Variants in MYO6 observed in about 807,000 individuals in gnomAD.
MYO6 encodes unconventional myosin-VI.
In MYO6, 74 loss-of-function variants were observed where a neutral mutation model predicts 178.7. The observed-to-expected ratio is 0.41, with a 90% CI of 0.34 to 0.50. The LOEUF (loss-of-function observed/expected upper bound fraction) is 0.50, where lower values mean the gene tolerates loss of function less well. Among genes scored for constraint, MYO6 ranks in the 20% least tolerant of loss-of-function variants. The pLI, the probability that MYO6 is intolerant of heterozygous loss-of-function variation, is 0.09. For synonymous variants in MYO6, 477 were observed against 504.6 expected, an observed-to-expected ratio of 0.95 and a Z score of 0.73; for missense variants, 1,330 against 1,547.4, an observed-to-expected ratio of 0.86 and a Z score of 2.36.
At position 75,840,636 on chromosome 6, in the gene MYO6, A is replaced by G. The variant is rs886061760; in HGVS notation, c.605A>G (p.Asn202Ser). The G allele has an allele frequency of 1.2e-6, 2 of 1,614,058 alleles. No homozygotes were observed. The highest frequency in any genetic ancestry group is 1.7e-6 in the Non-Finnish European group (2 of 1,179,938). The part of the protein sequence containing the change: ...FGNAKTVRNN[N>S]SSRFGKFVEI... ...AATGCGAAGACTGTTCGCAACAATAATAGCAGTCGATTTGGGAAATTTGTA... is the reference window on the plus strand; with the variant it reads ...AATGCGAAGACTGTTCGCAACAATAGTAGCAGTCGATTTGGGAAATTTGTA... The change falls in exon 8 of 35, where the codon AAT (asparagine) becomes AGT (serine). Residue 202 changes from asparagine to serine, a missense_variant. By Grantham distance (46) the Asn-to-Ser change is conservative. This residue lies in a region of MYO6 where 613 missense variants were observed against 816.8 expected (regional missense o/e 0.75). Coordinates refer to ENST00000369977, the MANE Select transcript of MYO6 (RefSeq NM_004999.4).
intron 1 of MYO6, among the ~76,000 whole-genome samples, chr6:75,761,569 T>A (rs1375878725): frequency 6.6e-6 from 1 of 150,644 alleles, no homozygotes; most frequent in African/African-American, 2.5e-5. Context: ...CTGATGCTAG[T>A]ATGTTAGAAA....
intron 23 of MYO6, among the ~76,000 whole-genome samples, chr6:75,885,542 G>A (rs192549902): frequency 7.2e-4 from 109 of 151,810 alleles, no homozygotes; most frequent in African/African-American, 2.4e-3. Context: ...TCCGCCTCCC[G>A]GGTTCACGCC....
At chr6:75,800,492 AG>A (rs1361217834) in intron 1 of MYO6, among the ~76,000 whole-genome samples, 2 of 152,206 alleles carry the variant, frequency 1.3e-5, no homozygotes, top group African/African-American at 4.8e-5. Context: ...AGTAATACCC[AG>A]CCTGGGTGAC....
At position 75,848,254 on chromosome 6, in the gene MYO6, T is replaced by G; in HGVS notation, c.898-97T>G. 3 of 1,115,858 alleles carry G rather than the reference T, an allele frequency of 2.7e-6. 1 individual carries two copies. The South Asian group carries it at 3.8e-5, about 14-fold the overall frequency. 69.1% of individuals were successfully genotyped at this position (1,115,858 alleles called of 1,614,324 possible). ...ATTTTCCCATTGACAGATTTTATTT[T>G]TGCATGTTATATAGTGCATTAATTG... On this transcript the variant is annotated intron_variant, in intron 10 of 34. Coordinates refer to ENST00000369977, the MANE Select transcript of MYO6 (RefSeq NM_004999.4).
intron 1 of MYO6, among the ~76,000 whole-genome samples, chr6:75,798,756 C>T (rs1159025233): frequency 6.6e-6 from 1 of 152,090 alleles, no homozygotes; most frequent in Non-Finnish European, 1.5e-5. Flanking sequence ...AAGTCCTAGC[C>T]AGAGCAGTCA....
chr6:75,750,346 C>G (rs1378239026), intron 1 of MYO6, among the ~76,000 whole-genome samples: 1 of 152,012 alleles, frequency 6.6e-6, no homozygotes. Context: ...CCATCCGCCT[C>G]GGTCTCCCAA....
intron 1 of MYO6, among the ~76,000 whole-genome samples, chr6:75,795,257 A>C (rs1218020586): frequency 6.6e-6 from 1 of 152,202 alleles, no homozygotes; most frequent in African/African-American, 2.4e-5. Context: ...TGCCTGCAGC[A>C]CCGTAGAGGA....
Position 75,788,404 on chromosome 6 carries a change from A to G in MYO6, c.-47-29097A>G, listed in dbSNP as rs568369730. Among the ~76,000 whole-genome samples, 14 of 152,278 alleles carry G rather than the reference A, an allele frequency of 9.2e-5. No individual in the cohort carries two copies. In the South Asian group the frequency reaches 2.9e-3, roughly 32 times the overall value. On this transcript the variant is annotated intron_variant, in intron 1 of 34. Transcript: ENST00000369977. ...CATTCCAGAACCACGTTCTAGCATC[A>G]TCTTTCCCTGAGCTTCTTCTGCCTC...
At chr6:75,841,415 G>T (rs1256492060) in intron 9 of MYO6, 37 bp downstream of exon 9, 1 of 1,589,456 alleles carries the variant, frequency 6.3e-7, no homozygotes. Flanking sequence ...ATAGCCAGGT[G>T]CAGTGGCTCA....
At chr6:75,769,668 G>A (rs920923671) in intron 1 of MYO6, among the ~76,000 whole-genome samples, 10 of 152,176 alleles carry the variant, frequency 6.6e-5, no homozygotes, top group Admixed American at 5.9e-4. Context: ...TTGGGAGGCC[G>A]AGGTGGGTGG....
rs779266741 is a variant in MYO6, at chr6:75,860,974, C to T, written c.1474-49C>T. 2.4e-5 allele frequency: 31 copies of T among 1,306,068 alleles called. No homozygotes were observed. In the South Asian group the frequency reaches 3.5e-4, roughly 15 times the overall value. The allele number at this position is 1,306,068 out of a possible 1,614,324, so 80.9% of individuals were successfully genotyped here. On this transcript the variant is annotated intron_variant, in intron 14 of 34. Transcript: ENST00000369977. ...ATGTTCAGAAACAGTGCAAAATTCACTATTGCTCAGTATTGCTGTATCTAT... is the reference window on the plus strand; with the variant it reads ...ATGTTCAGAAACAGTGCAAAATTCATTATTGCTCAGTATTGCTGTATCTAT...
chr6:75,809,758 C>T lies in MYO6; in HGVS notation c.-47-7743C>T, dbSNP rs897477839. On this transcript the variant is annotated intron_variant, in intron 1 of 34. Coordinates refer to ENST00000369977, the MANE Select transcript of MYO6 (RefSeq NM_004999.4). ...CTGGAAGTCAGTAGAAAGAAATGCTCGAGGTAAGATAAGGGGGATGTCAGC... is the reference window on the plus strand; with the variant it reads ...CTGGAAGTCAGTAGAAAGAAATGCTTGAGGTAAGATAAGGGGGATGTCAGC... Among the ~76,000 whole-genome samples the T allele has an allele frequency of 1.1e-4, 16 of 151,734 alleles. No individual in the cohort carries two copies. The East Asian group carries it at 2.7e-3, about 26-fold the overall frequency.
intron 29 of MYO6, among the ~76,000 whole-genome samples, chr6:75,895,671 C>G (rs896882655): frequency 6.6e-6 from 1 of 152,046 alleles, no homozygotes; most frequent in Non-Finnish European, 1.5e-5. Flanking sequence ...GCACGCACCA[C>G]CACACTCAGC....
intron 23 of MYO6, among the ~76,000 whole-genome samples, chr6:75,883,738 G>T (rs1778216043): frequency 6.6e-6 from 1 of 152,060 alleles, no homozygotes; most frequent in African/African-American, 2.4e-5. Context: ...TTAATTGTTG[G>T]GAGCTGTGTA....
At chr6:75,880,475 T>C (rs1048091562) in intron 22 of MYO6, among the ~76,000 whole-genome samples, 2 of 152,188 alleles carry the variant, frequency 1.3e-5, no homozygotes, top group Non-Finnish European at 2.9e-5. Context: ...GCTGATGAGC[T>C]AAATAAACAA....
chr6:75,901,481 A>G (rs900895358), intron 30 of MYO6, among the ~76,000 whole-genome samples: 1 of 152,012 alleles, frequency 6.6e-6, no homozygotes. Context: ...ATTCTCTTTG[A>G]AGCAATTGTG....
intron 4 of MYO6, 97 bp from the exon 5 acceptor site, chr6:75,830,319 T>C: frequency 1.7e-6 from 2 of 1,160,754 alleles, no homozygotes; most frequent in Non-Finnish European, 2.5e-6. Context: ...ATATAGATAA[T>C]TGAAATTTTT....
intron 26 of MYO6, among the ~76,000 whole-genome samples, chr6:75,890,566 AACTCCTGAC>A (rs1175145606): frequency 6.6e-6 from 1 of 152,106 alleles, no homozygotes. Context: ...GCTGGTCTCA[AACTCCTGAC>A]CACAGGGGAT....
At chr6:75,904,070 G>C (rs1780056156) in intron 30 of MYO6, among the ~76,000 whole-genome samples, 1 of 152,150 alleles carries the variant, frequency 6.6e-6, no homozygotes, top group South Asian at 2.1e-4. Flanking sequence ...CTCTCTTCTG[G>C]CTTGTAGAGT....
Sources: allele counts gnomAD v4.1 joint callset (sites outside exome capture counted in the v4.1 genomes callset), GRCh38; gene constraint gnomAD v4.1.1; regional missense constraint gnomAD v4.1.1; transcripts MANE v1.5; gene names NCBI Gene and HGNC (gene_info 2026-07-23, HGNC 2026-07-21).